PRIM2: variants seen among roughly 807,000 people sequenced by gnomAD.
The protein encoded by PRIM2 is DNA primase subunit 2, also known as DNA primase large subunit.
Under a neutral mutation model 67.3 loss-of-function variants are expected in PRIM2, and 39 were observed. The ratio of observed to expected loss-of-function variants is 0.58; its 90% CI spans 0.45 to 0.76. The LOEUF is 0.76. Ranked by LOEUF, PRIM2 falls within the 30% of genes least tolerant of loss-of-function variation. PRIM2 has a pLI of 0.00. For synonymous variants in PRIM2, 143 were observed against 198.7 expected, an observed-to-expected ratio of 0.72 and a Z score of 2.36; for missense variants, 398 against 598.7, an observed-to-expected ratio of 0.66 and a Z score of 3.50.
the PRIM2 span, among the ~76,000 whole-genome samples, chr6:57,239,966 T>G: frequency 6.6e-6 from 1 of 152,164 alleles, no homozygotes; most frequent in Non-Finnish European, 1.5e-5. Context: ...GACATAGTTC[T>G]TGCCCTCATA....
chr6:57,513,372 G>A (rs1554347895), intron 8 of PRIM2, among the ~76,000 whole-genome samples: 61,799 of 129,014 alleles, frequency 0.48, 16,441 homozygotes, highest in African/African-American at 0.67. Context: ...CATGATAAAG[G>A]TGTTTATTTT....
chr6:57,247,446 A>C, the PRIM2 span, among the ~76,000 whole-genome samples: 1 of 152,244 alleles, frequency 6.6e-6, no homozygotes, highest in African/African-American at 2.4e-5. Context: ...AAGGAAGATT[A>C]AAAAGTATTA....
chr6:57,615,618 G>A (rs1171339839), intron 12 of PRIM2, among the ~76,000 whole-genome samples: 1 of 152,092 alleles, frequency 6.6e-6, no homozygotes, highest in Non-Finnish European at 1.5e-5. Flanking sequence ...AATTGGGGCT[G>A]GCCACAGTGG....
chr6:57,582,570 A>T (rs1776107063), intron 10 of PRIM2, among the ~76,000 whole-genome samples: 1 of 152,156 alleles, frequency 6.6e-6, no homozygotes, highest in African/African-American at 2.4e-5. Flanking sequence ...GACTTGTTAG[A>T]GTTACTATTT....
chr6:57,243,240 G>A, the PRIM2 span, among the ~76,000 whole-genome samples: 1 of 152,184 alleles, frequency 6.6e-6, no homozygotes, highest in Admixed American at 6.5e-5. Context: ...TCAGGAAAAG[G>A]GAGCTTTAAT....
chr6:57,468,386 CTG>C (rs1167333217), intron 7 of PRIM2, among the ~76,000 whole-genome samples: 3 of 152,046 alleles, frequency 2.0e-5, no homozygotes, highest in African/African-American at 4.8e-5. Flanking sequence ...ATTGAGATAA[CTG>C]TGTGGTTTTT....
At chr6:57,433,390 TC>T (rs1170414831) in intron 7 of PRIM2, among the ~76,000 whole-genome samples, 1 of 66,440 alleles carries the variant, frequency 1.5e-5, no homozygotes, top group Non-Finnish European at 2.9e-5. Flanking sequence ...CCCTCCCCCC[TC>T]CCCCCATCCC....
intron 5 of PRIM2, among the ~76,000 whole-genome samples, chr6:57,357,689 A>G (rs10080792): frequency 1.3e-5 from 2 of 149,020 alleles, no homozygotes; most frequent in African/African-American, 2.5e-5. Flanking sequence ...TGCCTTCTGT[A>G]TGTTCAAGAG....
chr6:57,357,596 C>CTTT (rs34636141), intron 5 of PRIM2, among the ~76,000 whole-genome samples: 3 of 136,894 alleles, frequency 2.2e-5, no homozygotes, highest in African/African-American at 5.4e-5. Flanking sequence ...TCCTCTGTGG[C>CTTT]TTTTTTTTTT....
chr6:57,407,974 A>G (rs1189130030), intron 7 of PRIM2, among the ~76,000 whole-genome samples: 1 of 152,252 alleles, frequency 6.6e-6, no homozygotes, highest in African/African-American at 2.4e-5. Context: ...TAACTTATCC[A>G]AGGTCACAGA....
At chr6:57,519,614 G>A (rs1774569889) in intron 8 of PRIM2, among the ~76,000 whole-genome samples, 3 of 152,124 alleles carry the variant, frequency 2.0e-5, no homozygotes, top group Non-Finnish European at 2.9e-5. Context: ...TTTTCAAGGT[G>A]CCCAGATTTC....
chr6:57,635,294 T>G (rs1161226050), intron 13 of PRIM2, among the ~76,000 whole-genome samples: 28,265 of 152,002 alleles, frequency 0.19, 2,738 homozygotes, highest in African/African-American at 0.24. Flanking sequence ...GGCAGAAATA[T>G]GAGACCCATG....
chr6:57,412,575 G>A (rs1200053624), intron 7 of PRIM2, among the ~76,000 whole-genome samples: 3 of 151,908 alleles, frequency 2.0e-5, no homozygotes, highest in Non-Finnish European at 4.4e-5. Flanking sequence ...TACGAGAAGA[G>A]CTGGTTCAAC....
chr6:57,633,641 T>C (rs1777069864), intron 13 of PRIM2, among the ~76,000 whole-genome samples: 1 of 152,096 alleles, frequency 6.6e-6, no homozygotes, highest in Non-Finnish European at 1.5e-5. Context: ...CAGGGACCAG[T>C]TTCATGGAAG....
At chr6:57,506,324 GAT>G (rs1310893556) in intron 7 of PRIM2, among the ~76,000 whole-genome samples, 4 of 151,804 alleles carry the variant, frequency 2.6e-5, no homozygotes, top group East Asian at 1.9e-4. Context: ...AAATATAAAA[GAT>G]ATTTTTAGAT....
Position 57,576,178 on chromosome 6 carries a change from T to C in PRIM2, c.1021-24915T>C, listed in dbSNP as rs1422548612. On this transcript the variant is annotated intron_variant, in intron 10 of 13. Transcript: ENST00000615550. ...GGAAGGCATGTTCATGATAATATACTGTTGATATTTTAATTTTTAAGTTAA... is the reference window on the plus strand; with the variant it reads ...GGAAGGCATGTTCATGATAATATACCGTTGATATTTTAATTTTTAAGTTAA... Among the ~76,000 whole-genome samples, 213 of 152,244 alleles carry C rather than the reference T, an allele frequency of 1.4e-3. 5 individuals carry two copies. In the East Asian group the frequency reaches 0.019, roughly 14 times the overall value.
chr6:57,627,354 G>A (rs1321550864), intron 12 of PRIM2, among the ~76,000 whole-genome samples: 1 of 136,288 alleles, frequency 7.3e-6, no homozygotes, highest in African/African-American at 2.7e-5. Flanking sequence ...CCAAAATATT[G>A]TAGTTTGATG....
In PRIM2 at chr6:57,428,049, A is replaced by C. The variant is rs2127377045; in HGVS notation, c.693+45881A>C. 2.0e-5 allele frequency among the ~76,000 whole-genome samples: 3 copies of C among 152,254 alleles called. No individual in the cohort carries two copies. In the East Asian group the frequency reaches 5.8e-4, roughly 29 times the overall value. On this transcript the variant is annotated intron_variant, in intron 7 of 13. Coordinates refer to ENST00000615550, the MANE Select transcript of PRIM2 (RefSeq NM_000947.5). ...ATTTAGACAGGAGAGAAGCTAGGTT[A>C]AAAACTGACTTAAAAAAAAAATTGC...
At chr6:57,222,653 CA>C in the PRIM2 span, among the ~76,000 whole-genome samples, 1 of 152,204 alleles carries the variant, frequency 6.6e-6, no homozygotes, top group Non-Finnish European at 1.5e-5. Flanking sequence ...CGCACTCACA[CA>C]GCCTGCAGGA....
Sources: allele counts gnomAD v4.1 joint callset (sites outside exome capture counted in the v4.1 genomes callset), GRCh38; gene constraint gnomAD v4.1.1; transcripts MANE v1.5; gene names NCBI Gene and HGNC (gene_info 2026-07-23, HGNC 2026-07-21).